TSHZ2: variants seen among roughly 807,000 people sequenced by gnomAD.
The protein encoded by TSHZ2 is teashirt zinc finger homeobox 2.
A neutral mutation model predicts 74.4 loss-of-function variants in TSHZ2; 21 were observed. That is an observed-to-expected ratio of 0.28 (90% CI 0.20 to 0.41). The LOEUF is 0.41. Among genes scored for constraint, TSHZ2 ranks in the 10% least tolerant of loss-of-function variants. The pLI, the probability that TSHZ2 is intolerant of heterozygous loss-of-function variation, is 1.00. For synonymous variants in TSHZ2, 540 were observed against 515.3 expected, an observed-to-expected ratio of 1.05 and a Z score of -0.65; for missense variants, 1,244 against 1,293.5, an observed-to-expected ratio of 0.96 and a Z score of 0.59.
intron 1 of TSHZ2, among the ~76,000 whole-genome samples, chr20:53,115,808 G>A (rs954942623): frequency 6.6e-6 from 1 of 152,102 alleles, no homozygotes; most frequent in African/African-American, 2.4e-5. Context: ...GGCCACTGGT[G>A]GGGAGATGAA....
intron 1 of TSHZ2, among the ~76,000 whole-genome samples, chr20:53,247,200 C>T (rs1990229207): frequency 6.6e-6 from 1 of 152,152 alleles, no homozygotes; most frequent in South Asian, 2.1e-4. Flanking sequence ...GATAAAAATC[C>T]ACGCACCATA....
At chr20:53,173,052 T>C (rs1020332726) in intron 1 of TSHZ2, among the ~76,000 whole-genome samples, 1 of 152,196 alleles carries the variant, frequency 6.6e-6, no homozygotes, top group Non-Finnish European at 1.5e-5. Context: ...CTTGAGCTGG[T>C]GCATGACACA....
chr20:53,485,413 G>A (rs1014337461), intron 2 of TSHZ2, among the ~76,000 whole-genome samples: 4 of 151,986 alleles, frequency 2.6e-5, no homozygotes, highest in South Asian at 2.1e-4. Flanking sequence ...TAAACCTAAC[G>A]AAATGCATGG....
chr20:53,193,150 G>C (rs1259910499), intron 1 of TSHZ2, among the ~76,000 whole-genome samples: 1 of 148,330 alleles, frequency 6.7e-6, no homozygotes, highest in South Asian at 2.1e-4. Context: ...TTGGGCAAAG[G>C]GTTTTAAAAA....
At chr20:53,316,817 A>C (rs1183711475) in intron 2 of TSHZ2, among the ~76,000 whole-genome samples, 1 of 152,216 alleles carries the variant, frequency 6.6e-6, no homozygotes, top group Admixed American at 6.5e-5. Context: ...ACTTTGCAGA[A>C]AAAGGTTGCC....
chr20:53,204,168 TC>T (rs1989088393), intron 1 of TSHZ2, among the ~76,000 whole-genome samples: 1 of 141,268 alleles, frequency 7.1e-6, no homozygotes, highest in Non-Finnish European at 1.6e-5. Flanking sequence ...TGATACTATA[TC>T]ATCATATGAT....
At chr20:53,026,021 T>C (rs1983430758) in intron 1 of TSHZ2, among the ~76,000 whole-genome samples, 1 of 152,210 alleles carries the variant, frequency 6.6e-6, no homozygotes, top group Non-Finnish European at 1.5e-5. Context: ...AGGTGTCCCA[T>C]GTACCCAACA....
chr20:53,045,462 A>G (rs1260070281), intron 1 of TSHZ2, among the ~76,000 whole-genome samples: 2 of 152,222 alleles, frequency 1.3e-5, no homozygotes, highest in African/African-American at 4.8e-5. Flanking sequence ...AAATCACAGG[A>G]CCTTGGGACA....
intron 1 of TSHZ2, among the ~76,000 whole-genome samples, chr20:53,237,554 A>G (rs1989969840): frequency 6.6e-6 from 1 of 151,958 alleles, no homozygotes; most frequent in African/African-American, 2.4e-5. Flanking sequence ...TCTTTCTTCT[A>G]CATACGAAAA....
rs760626741 is a variant in TSHZ2, at chr20:53,255,388, A to G, written c.1930A>G (p.Lys644Glu). The change falls in exon 2 of 3, where the codon AAA becomes GAA. Residue 644 changes from lysine (K) to glutamate (E), a missense_variant. By Grantham distance (56) the Lys-to-Glu change is moderately conservative. This residue lies in a region of TSHZ2 where 562 missense variants were observed against 544.0 expected (regional missense o/e 1.03). Coordinates refer to ENST00000371497, the MANE Select transcript of TSHZ2 (RefSeq NM_173485.6). This position sits in a 1 kb window ranked among gnomAD's most constrained non-coding sequence, Gnocchi z 4.1. Reference protein sequence around the residue: ...FRKSETPPEAKKTELGPLKEE... With the variant: ...FRKSETPPEAEKTELGPLKEE... ...CAAAAGTGAAACACCTCCAGAAGCC[A>G]AAAAGACCGAGCTGGGTCCCCTGAA... 4.2e-5 allele frequency: 68 copies of G among 1,613,714 alleles called. No individual in the cohort carries two copies. Among genetic ancestry groups the G allele is most frequent in the Non-Finnish European group, 5.5e-5 (65 of 1,180,006 alleles).
At chr20:53,441,379 C>T (rs1984319488) in intron 2 of TSHZ2, among the ~76,000 whole-genome samples, 1 of 151,810 alleles carries the variant, frequency 6.6e-6, no homozygotes, top group Admixed American at 6.6e-5. Context: ...CATTCTCCTG[C>T]CTCAGCCTCC....
chr20:53,089,722 G>A (rs1373010472), intron 1 of TSHZ2, among the ~76,000 whole-genome samples: 1 of 152,188 alleles, frequency 6.6e-6, no homozygotes, highest in Non-Finnish European at 1.5e-5. Flanking sequence ...TGACATTTTA[G>A]ATAAGTCTCA....
At chr20:53,176,700 T>G (rs1209787858) in intron 1 of TSHZ2, among the ~76,000 whole-genome samples, 6 of 151,314 alleles carry the variant, frequency 4.0e-5, no homozygotes, top group African/African-American at 1.5e-4. Context: ...CTTTTTTTTT[T>G]TTTTTTAGAC....
chr20:53,143,185 A>G (rs1987450776), intron 1 of TSHZ2, among the ~76,000 whole-genome samples: 1 of 152,154 alleles, frequency 6.6e-6, no homozygotes, highest in South Asian at 2.1e-4. Context: ...CACAAGAAAC[A>G]TTTACTCACA....
At position 53,045,425 on chromosome 20, in the gene TSHZ2, A is replaced by G. The variant is rs538178429; in HGVS notation, c.40+72092A>G. Among the ~76,000 whole-genome samples, 74 of 152,358 alleles carry G rather than the reference A, an allele frequency of 4.9e-4. 1 individual carries two copies. The South Asian group carries it at 0.013, about 27-fold the overall frequency. ...GGTAGTTGGTGTAAACATCATGTGC[A>G]CATCTGAATTCCTGGATCCTTTTGA... is the stretch of plus-strand genomic sequence containing the variant. On this transcript the variant is annotated intron_variant, in intron 1 of 2. Coordinates refer to ENST00000371497, the MANE Select transcript of TSHZ2 (RefSeq NM_173485.6).
intron 1 of TSHZ2, among the ~76,000 whole-genome samples, chr20:53,107,607 G>A (rs542135837): frequency 1.1e-4 from 16 of 152,324 alleles, no homozygotes; most frequent in African/African-American, 3.6e-4. Context: ...GGGTCCAGAG[G>A]TCTGAAATAT....
intron 2 of TSHZ2, among the ~76,000 whole-genome samples, chr20:53,380,164 GCA>G (rs1555856793): frequency 1.4e-3 from 148 of 107,944 alleles, no homozygotes; most frequent in African/African-American, 0.013. Context: ...GTGTGTGTGT[GCA>G]CACGCATGTG....
chr20:53,343,360 G>A (rs1472521348), intron 2 of TSHZ2, among the ~76,000 whole-genome samples: 1 of 152,120 alleles, frequency 6.6e-6, no homozygotes, highest in Non-Finnish European at 1.5e-5. Context: ...CTTTCTTTCC[G>A]GAACAAACAC....
intron 1 of TSHZ2, among the ~76,000 whole-genome samples, chr20:53,197,940 A>G (rs754197101): frequency 1.4e-4 from 21 of 152,376 alleles, no homozygotes; most frequent in Non-Finnish European, 2.4e-4. Context: ...CATTTTAGCC[A>G]GAAGGTGACC....
Sources: allele counts gnomAD v4.1 joint callset (sites outside exome capture counted in the v4.1 genomes callset), GRCh38; gene constraint gnomAD v4.1.1; regional missense constraint gnomAD v4.1.1; non-coding constraint Gnocchi (gnomAD v3.1); transcripts MANE v1.5; gene names NCBI Gene and HGNC (gene_info 2026-07-23, HGNC 2026-07-21).